Variants in CELF4 observed in about 807,000 individuals in gnomAD.
CELF4 encodes CUG-BP- and ETR-3-like factor 4.
In CELF4, 18 loss-of-function variants were observed where a neutral mutation model predicts 59.9. The ratio of observed to expected loss-of-function variants is 0.30; its 90% confidence interval spans 0.21 to 0.45. CELF4 has a LOEUF of 0.45. Among genes scored for constraint, CELF4 ranks in the 20% least tolerant of loss-of-function variants. CELF4 has a pLI of 1.00. For synonymous variants in CELF4, 261 were observed against 267.1 expected (o/e 0.98, Z 0.22); for missense variants, 456 against 689.0 (o/e 0.66, Z 3.79).
intron 2 of CELF4, among the ~76,000 whole-genome samples, chr18:37,398,231 C>T (rs2099270119): frequency 1.3e-5 from 2 of 152,172 alleles, no homozygotes; most frequent in African/African-American, 4.8e-5. Context: ...AAATTACTTC[C>T]TTCTCTAAAG....
chr18:37,503,715 T>C (rs576701685), intron 1 of CELF4, among the ~76,000 whole-genome samples: 1 of 152,314 alleles, frequency 6.6e-6, no homozygotes, highest in Admixed American at 6.5e-5. Context: ...TTCCCTTCCA[T>C]CAAATGGGCA....
chr18:37,307,848 A>T (rs2096492335), intron 3 of CELF4, among the ~76,000 whole-genome samples: 1 of 152,240 alleles, frequency 6.6e-6, no homozygotes, highest in African/African-American at 2.4e-5. Flanking sequence ...TGGAGCTGGG[A>T]AGGCCAGTAG....
intron 1 of CELF4, among the ~76,000 whole-genome samples, chr18:37,508,696 G>A (rs1238039731): frequency 6.6e-6 from 1 of 152,218 alleles, no homozygotes; most frequent in Non-Finnish European, 1.5e-5. Context: ...AGCTCAAGTG[G>A]TCTGGTGGAC....
At chr18:37,460,552 TC>T (rs1377282674) in intron 2 of CELF4, among the ~76,000 whole-genome samples, 2 of 152,200 alleles carry the variant, frequency 1.3e-5, no homozygotes, top group African/African-American at 4.8e-5. Flanking sequence ...GCTATTCCTG[TC>T]CTTTGTTCTT....
At chr18:37,276,561 C>T (rs1377096551) in intron 3 of CELF4, 3 of 152,156 alleles carry the variant, frequency 2.0e-5, no homozygotes, top group Non-Finnish European at 4.4e-5. Flanking sequence ...ACTGAGGCCC[C>T]AGCTGACAGC....
At chr18:37,557,629 T>C (rs1473150913) in intron 1 of CELF4, among the ~76,000 whole-genome samples, 3 of 152,226 alleles carry the variant, frequency 2.0e-5, no homozygotes, top group Non-Finnish European at 4.4e-5. Context: ...TGCATTGCAA[T>C]AAAGTAACAT....
chr18:37,359,994 C>A (rs1474176828), intron 2 of CELF4, among the ~76,000 whole-genome samples: 2 of 152,032 alleles, frequency 1.3e-5, no homozygotes, highest in Non-Finnish European at 2.9e-5. Flanking sequence ...GGATTACAGG[C>A]ATACACTACC....
chr18:37,376,498 T>A (rs908994125), intron 2 of CELF4, among the ~76,000 whole-genome samples: 1 of 152,240 alleles, frequency 6.6e-6, no homozygotes, highest in Admixed American at 6.5e-5. Flanking sequence ...TGTGCTCCCC[T>A]ACTCTTCTGG....
At chr18:37,330,603 G>A (rs746412978) in intron 2 of CELF4, among the ~76,000 whole-genome samples, 10 of 152,268 alleles carry the variant, frequency 6.6e-5, no homozygotes, top group Non-Finnish European at 1.3e-4. Context: ...TTGTCTGTTT[G>A]TCTCCACCCT....
intron 2 of CELF4, among the ~76,000 whole-genome samples, chr18:37,423,052 A>ACG (rs778616165): frequency 4.6e-4 from 56 of 122,158 alleles, no homozygotes; most frequent in African/African-American, 1.3e-3. Context: ...ACATAGACAC[A>ACG]TGCGCGCGCG....
intron 2 of CELF4, among the ~76,000 whole-genome samples, chr18:37,457,978 G>C (rs750263182): frequency 3.9e-5 from 6 of 152,208 alleles, no homozygotes; most frequent in Non-Finnish European, 8.8e-5. Context: ...TCACACCGAG[G>C]TGTCAGGCTG....
chr18:37,328,507 C>G (rs2097411541), intron 2 of CELF4, among the ~76,000 whole-genome samples: 1 of 152,190 alleles, frequency 6.6e-6, no homozygotes, highest in African/African-American at 2.4e-5. Flanking sequence ...GAAGGGCTCA[C>G]CTCGCCAAGC....
chr18:37,510,198 T>A (rs545619991), intron 1 of CELF4, among the ~76,000 whole-genome samples: 1 of 152,156 alleles, frequency 6.6e-6, no homozygotes, highest in African/African-American at 2.4e-5. Context: ...GGGAAATGAA[T>A]ACACTAAAGC....
intron 2 of CELF4, among the ~76,000 whole-genome samples, chr18:37,322,481 T>C (rs1360817922): frequency 6.6e-6 from 1 of 152,202 alleles, no homozygotes; most frequent in Non-Finnish European, 1.5e-5. Context: ...AGGGAGTGCG[T>C]GGAGTGGGCA....
chr18:37,274,248 CG>C, intron 6 of CELF4, 62 bp downstream of exon 6: 1 of 1,591,304 alleles, frequency 6.3e-7, no homozygotes, highest in Non-Finnish European at 8.5e-7. Flanking sequence ...TTTCATGTCC[CG>C]CTCTCTGAGG....
chr18:37,369,315 C>T (rs2098829758), intron 2 of CELF4, among the ~76,000 whole-genome samples: 1 of 152,156 alleles, frequency 6.6e-6, no homozygotes, highest in Non-Finnish European at 1.5e-5. Context: ...CTCTCCCAGT[C>T]ATTGCCTCCA....
chr18:37,302,538 C>T (rs2096126800), intron 3 of CELF4, among the ~76,000 whole-genome samples: 1 of 152,162 alleles, frequency 6.6e-6, no homozygotes, highest in African/African-American at 2.4e-5. Context: ...GGAGGATGCA[C>T]ATCAGTGACC....
At chr18:37,463,808 T>G (rs951414695) in intron 2 of CELF4, among the ~76,000 whole-genome samples, 1 of 151,872 alleles carries the variant, frequency 6.6e-6, no homozygotes, top group South Asian at 2.1e-4. Context: ...AACCTGGAGG[T>G]TTTTTTTCTT....
intron 11 of CELF4, 180 bp downstream of exon 11, chr18:37,259,001 T>G (rs1457469009): frequency 5.9e-6 from 5 of 850,590 alleles, no homozygotes; most frequent in Non-Finnish European, 9.2e-6. Context: ...GTGAGGGCCA[T>G]GGAGCAGCTG....
Sources: gnomAD v4.1 joint callset for allele counts (sites outside exome capture counted in the v4.1 genomes callset) on GRCh38, gnomAD v4.1.1 for gene constraint, MANE v1.5 for transcripts, NCBI Gene and HGNC (gene_info 2026-07-23, HGNC 2026-07-21) for gene names.